JAKMIP3: variants seen among roughly 807,000 people sequenced by gnomAD.
JAKMIP3 encodes the protein janus kinase and microtubule-interacting protein 3.
In JAKMIP3, 58 loss-of-function variants were observed where a neutral mutation model predicts 118.5. The observed-to-expected ratio is 0.49, with a 90% CI of 0.40 to 0.61. The LOEUF (loss-of-function observed/expected upper bound fraction) is 0.61. Among genes scored for constraint, JAKMIP3 ranks in the 20% least tolerant of loss-of-function variants. The probability of loss-of-function intolerance (pLI) is 0.00; values close to 1 mark genes in which losing one functional copy is unlikely to be tolerated. For synonymous variants in JAKMIP3, 486 were observed against 451.2 expected (o/e 1.08, Z -0.98); for missense variants, 950 against 1,109.0 (o/e 0.86, Z 2.04).
At chr10:132,119,325 G>C (rs2048192016) in intron 3 of JAKMIP3, among the ~76,000 whole-genome samples, 1 of 152,124 alleles carries the variant, frequency 6.6e-6, no homozygotes, top group African/African-American at 2.4e-5. Flanking sequence ...AAATTTCAAA[G>C]TAAAACAGTC....
chr10:132,114,379 TA>T (rs2047317853), intron 2 of JAKMIP3, among the ~76,000 whole-genome samples: 1 of 152,244 alleles, frequency 6.6e-6, no homozygotes, highest in African/African-American at 2.4e-5. Context: ...TGCACCTGGC[TA>T]ATTTTTTAAT....
chr10:132,149,909 C>T (rs1233557173), intron 15 of JAKMIP3, 73 bp from the exon 16 acceptor site: 10 of 210,234 alleles, frequency 4.8e-5, no homozygotes, highest in Middle Eastern at 9.5e-4. Context: ...CTCCGCCCTT[C>T]CCTGCCCTGT....
rs896179521 is a variant in JAKMIP3 at position 132,109,034 on chromosome 10, GTA to G, written c.135+4100_135+4101del. ...GTATATATGTATACAAATTATATAT[GTA>G]TATATATACACACACATACATGCAC... is the stretch of plus-strand genomic sequence containing the variant. On this transcript the variant is annotated intron_variant, in intron 2 of 23. Coordinates refer to ENST00000684848, the MANE Select transcript of JAKMIP3 (RefSeq NM_001323087.2). Among the ~76,000 whole-genome samples the G allele has an allele frequency of 3.6e-5, 5 of 140,034 alleles. 1 individual carries two copies. Among genetic ancestry groups the G allele is most frequent in the Admixed American group, 7.3e-5 (1 of 13,678 alleles). 91.9% of individuals were successfully genotyped at this position (140,034 alleles called of 152,430 possible).
intron 19 of JAKMIP3, among the ~76,000 whole-genome samples, chr10:132,156,434 C>A (rs2057100428): frequency 1.3e-5 from 2 of 152,206 alleles, no homozygotes; most frequent in African/African-American, 4.8e-5. Context: ...ATCAGCCTAG[C>A]TGGCAGGCAT....
intron 1 of JAKMIP3, among the ~76,000 whole-genome samples, chr10:132,095,442 G>C (rs1009038479): frequency 6.6e-6 from 1 of 152,172 alleles, no homozygotes; most frequent in African/African-American, 2.4e-5. Flanking sequence ...CTCAGCTCCA[G>C]GTGAGCTCAG....
chr10:132,180,578 T>TGC lies in JAKMIP3; in HGVS notation c.*1104-1777_*1104-1776dup, dbSNP rs1479545752. Among the ~76,000 whole-genome samples, 11 of 23,806 alleles carry TGC rather than the reference T, an allele frequency of 4.6e-4. 3 individuals are homozygous for TGC. Among genetic ancestry groups the TGC allele is most frequent in the African/African-American group, 1.7e-3 (9 of 5,214 alleles). 15.6% of individuals were successfully genotyped at this position (23,806 alleles called of 152,430 possible). On this transcript the variant is annotated intron_variant, in intron 23 of 23. Transcript: ENST00000684848. ...GCATGCGTGTGTGTGCGTGTGTGTGTGCGTGCGCGTGTGTGTGTGCGTGCG... is the reference window on the plus strand; with the variant it reads ...GCATGCGTGTGTGTGCGTGTGTGTGTGCGCGTGCGCGTGTGTGTGTGCGTGCG...
intron 1 of JAKMIP3, among the ~76,000 whole-genome samples, chr10:132,057,161 C>T (rs1447709885): frequency 6.6e-6 from 1 of 152,172 alleles, no homozygotes; most frequent in East Asian, 1.9e-4. Flanking sequence ...GGAGGAAGGT[C>T]AGCCCCAGAG....
At position 132,092,560 on chromosome 10, in the gene JAKMIP3, G is replaced by A. The variant is rs556798616; in HGVS notation, c.-137-12112G>A. 1.8e-3 allele frequency among the ~76,000 whole-genome samples: 269 copies of A among 152,166 alleles called. 3 individuals are homozygous for A. The highest frequency in any genetic ancestry group is 5.9e-3 in the African/African-American group (246 of 41,506). On this transcript the variant is annotated intron_variant, in intron 1 of 23. Coordinates refer to ENST00000684848, the MANE Select transcript of JAKMIP3 (RefSeq NM_001323087.2). ...ACCCTTTCTTCCAGTTGATCGAATC[G>A]GCTACTGAAGCTTGTGCATTTGTCA...
intron 1 of JAKMIP3, among the ~76,000 whole-genome samples, chr10:132,078,610 C>T (rs1212602660): frequency 1.8e-4 from 11 of 59,738 alleles, no homozygotes; most frequent in Admixed American, 1.6e-3. Context: ...CAGGGACCTT[C>T]TCTGGGGGCG....
chr10:132,180,656 T>TC (rs2060973946), intron 23 of JAKMIP3, among the ~76,000 whole-genome samples: 1 of 16,338 alleles, frequency 6.1e-5, no homozygotes, highest in Non-Finnish European at 1.2e-4. Context: ...CGTGTGCGTG[T>TC]GCGTGTGTGC....
chr10:132,090,247 C>T (rs1246528701), intron 1 of JAKMIP3, among the ~76,000 whole-genome samples: 3 of 152,212 alleles, frequency 2.0e-5, no homozygotes, highest in African/African-American at 7.2e-5. Flanking sequence ...GGAGGATTCC[C>T]TCTTTTTCTG....
intron 1 of JAKMIP3, among the ~76,000 whole-genome samples, chr10:132,086,854 C>T (rs2042462542): frequency 6.6e-6 from 1 of 152,210 alleles, no homozygotes; most frequent in East Asian, 1.9e-4. Flanking sequence ...AGGCCATTTA[C>T]ATTCAACATT....
In JAKMIP3 at chr10:132,133,423, C is replaced by A. The variant is rs372194857; in HGVS notation, c.745C>A (p.Gln249Lys). ...LQLQKEALDE[Q>K]LSQVREADRH... ...GCTCCAAAAAGAGGCTCTAGATGAG[C>A]AGCTGTCCCAGGTCCGAGAGGCCGA... The change falls in exon 4 of 24, where the codon CAG (glutamine) becomes AAG (lysine). Residue 249 changes from glutamine to lysine, a missense_variant. By Grantham distance (53) the Gln-to-Lys change is moderately conservative. Coordinates refer to ENST00000684848, the MANE Select transcript of JAKMIP3 (RefSeq NM_001323087.2). The A allele has an allele frequency of 6.3e-7, 1 of 1,593,148 alleles. No homozygotes were observed. The highest frequency in any genetic ancestry group is 8.5e-7 in the Non-Finnish European group (1 of 1,170,194).
intron 1 of JAKMIP3, among the ~76,000 whole-genome samples, chr10:132,095,429 C>A (rs1333892767): frequency 6.6e-6 from 1 of 152,192 alleles, no homozygotes; most frequent in South Asian, 2.1e-4. Flanking sequence ...GTATTTCGCT[C>A]GACTCAGCTC....
At chr10:132,099,312 C>T (rs1182548214) in intron 1 of JAKMIP3, among the ~76,000 whole-genome samples, 1 of 152,154 alleles carries the variant, frequency 6.6e-6, no homozygotes, top group Non-Finnish European at 1.5e-5. Flanking sequence ...GTCTTCCACA[C>T]AGAAACCTCC....
In JAKMIP3 at chr10:132,038,790, C is replaced by CCAA. The variant is rs1491127913; in HGVS notation, c.-138+2052_-138+2053insCAA. On this transcript the variant is annotated intron_variant, in intron 1 of 23. Transcript: ENST00000657785. Reference sequence around the variant, plus strand: ...CCTGGGCAACAGAATGAGACTGTCTCAAAAAAAAAAAAAAAAAAAACCATC... The same window carrying CCAA: ...CCTGGGCAACAGAATGAGACTGTCTCCAAAAAAAAAAAAAAAAAAAAAACCATC... Among the ~76,000 whole-genome samples, 17 of 124,734 alleles carry CCAA rather than the reference C, an allele frequency of 1.4e-4. 1 individual carries two copies. The South Asian group carries it at 4.5e-3, about 33-fold the overall frequency. The allele number at this position is 124,734 out of a possible 152,430, so 81.8% of individuals were successfully genotyped here.
At chr10:132,127,474 C>G (rs79065584) in intron 3 of JAKMIP3, among the ~76,000 whole-genome samples, 2,149 of 151,906 alleles carry the variant, frequency 0.014, 48 homozygotes, top group East Asian at 0.046. Flanking sequence ...AGGCTGGTCT[C>G]GAACTCCTGA....
intron 3 of JAKMIP3, among the ~76,000 whole-genome samples, chr10:132,132,752 A>G (rs1018975580): frequency 2.6e-5 from 4 of 152,228 alleles, no homozygotes; most frequent in Non-Finnish European, 4.4e-5. Context: ...TCCAAGGACC[A>G]CAGTGGTGCC....
intron 1 of JAKMIP3, among the ~76,000 whole-genome samples, chr10:132,055,429 C>T (rs888356582): frequency 7.2e-5 from 11 of 152,206 alleles, no homozygotes; most frequent in African/African-American, 2.2e-4. Flanking sequence ...ACATGATTTG[C>T]GAATGGCATA....
Sources: allele counts gnomAD v4.1 joint callset (sites outside exome capture counted in the v4.1 genomes callset), GRCh38; gene constraint gnomAD v4.1.1; transcripts MANE v1.5; gene names NCBI Gene and HGNC (gene_info 2026-07-23, HGNC 2026-07-21).